Variants in RANBP2 observed in about 807,000 individuals in gnomAD.
RANBP2 encodes E3 SUMO-protein ligase RanBP2.
A neutral mutation model predicts 303.6 loss-of-function variants in RANBP2; 57 were observed. The ratio of observed to expected loss-of-function variants is 0.19; its 90% CI spans 0.15 to 0.23. The LOEUF (loss-of-function observed/expected upper bound fraction) is 0.23. Among genes scored for constraint, RANBP2 ranks in the 10% least tolerant of loss-of-function variants. The probability of loss-of-function intolerance (pLI) is 1.00; values close to 1 mark genes in which losing one functional copy is unlikely to be tolerated. For synonymous variants in RANBP2, 1,167 were observed against 1,301.5 expected (o/e 0.90, Z 2.23); for missense variants, 3,138 against 3,780.8 (o/e 0.83, Z 4.46).
the RANBP2 span, among the ~76,000 whole-genome samples, chr2:109,123,174 G>A: frequency 2.6e-5 from 4 of 152,282 alleles, no homozygotes; most frequent in South Asian, 2.1e-4. Flanking sequence ...GGTATCAGCC[G>A]TGGCTCAGAG....
chr2:108,886,710 C>T, the RANBP2 span, among the ~76,000 whole-genome samples: 1 of 143,440 alleles, frequency 7.0e-6, no homozygotes, highest in Non-Finnish European at 1.5e-5. Context: ...CCATGCCCGG[C>T]CCCCTTTGCC....
the RANBP2 span, among the ~76,000 whole-genome samples, chr2:109,232,527 G>A: frequency 1.1e-4 from 17 of 152,222 alleles, no homozygotes; most frequent in Non-Finnish European, 1.5e-4. Context: ...ACAGCACAGC[G>A]TCTCCCATGC....
the RANBP2 span, among the ~76,000 whole-genome samples, chr2:109,349,307 A>T: frequency 1.3e-5 from 2 of 152,162 alleles, no homozygotes; most frequent in African/African-American, 4.8e-5. Context: ...TCATTCAGGG[A>T]TTCAACTCCT....
chr2:109,255,218 T>G, the RANBP2 span, among the ~76,000 whole-genome samples: 1 of 152,188 alleles, frequency 6.6e-6, no homozygotes, highest in South Asian at 2.1e-4. Context: ...GGCAACCTGT[T>G]GGGGCTTCGG....
At chr2:109,524,013 C>T in the RANBP2 span, among the ~76,000 whole-genome samples, 1 of 152,210 alleles carries the variant, frequency 6.6e-6, no homozygotes, top group African/African-American at 2.4e-5. Context: ...GAGTCCTGGG[C>T]CACCTCCTGC....
At chr2:109,392,708 G>T in the RANBP2 span, among the ~76,000 whole-genome samples, 1 of 151,782 alleles carries the variant, frequency 6.6e-6, no homozygotes, top group Admixed American at 6.6e-5. Flanking sequence ...GTAGAGATGG[G>T]GTTTCACCGT....
the RANBP2 span, among the ~76,000 whole-genome samples, chr2:108,965,374 G>A: frequency 6.6e-6 from 1 of 151,836 alleles, no homozygotes; most frequent in East Asian, 1.9e-4. Flanking sequence ...CCAGCTACTC[G>A]GGAGGCTGAG....
At chr2:109,642,038 T>G in the RANBP2 span, among the ~76,000 whole-genome samples, 1 of 152,060 alleles carries the variant, frequency 6.6e-6, no homozygotes, top group African/African-American at 2.4e-5. Flanking sequence ...ACTCCTGACC[T>G]TGTGATCTGC....
chr2:108,754,083 T>C, intron 15 of RANBP2, 112 bp downstream of exon 15: 1 of 1,605,492 alleles, frequency 6.2e-7, no homozygotes, highest in East Asian at 2.2e-5. Context: ...ATGTTGTTAT[T>C]AATGCACAGA....
chr2:109,566,183 C>T, the RANBP2 span, among the ~76,000 whole-genome samples: 3 of 152,016 alleles, frequency 2.0e-5, no homozygotes, highest in Non-Finnish European at 4.4e-5. Flanking sequence ...TGCAGTGACA[C>T]GATCTCATCT....
chr2:109,157,150 G>A, the RANBP2 span, among the ~76,000 whole-genome samples: 94 of 152,218 alleles, frequency 6.2e-4, no homozygotes, highest in Admixed American at 4.7e-3. Flanking sequence ...TGAATTTGAT[G>A]TCCCAGAGTG....
the RANBP2 span, among the ~76,000 whole-genome samples, chr2:109,142,691 C>G: frequency 3.9e-4 from 60 of 152,142 alleles, no homozygotes; most frequent in African/African-American, 1.4e-3. Context: ...GTCAACTGAG[C>G]GGAGCATGGG....
At chr2:109,614,789 C>A in the RANBP2 span, 1 of 1,474,232 alleles carries the variant, frequency 6.8e-7, no homozygotes, top group Non-Finnish European at 8.9e-7. Context: ...TCCAGGTGAC[C>A]GCCGAGCCCG....
At chr2:109,575,914 AAAC>A in the RANBP2 span, among the ~76,000 whole-genome samples, 7 of 152,224 alleles carry the variant, frequency 4.6e-5, no homozygotes, top group Non-Finnish European at 7.3e-5. Context: ...TGCAAATGGT[AAAC>A]AATGTGAGGA....
At chr2:108,809,490 T>A in the RANBP2 span, among the ~76,000 whole-genome samples, 1 of 148,126 alleles carries the variant, frequency 6.8e-6, no homozygotes, top group Non-Finnish European at 1.5e-5. Flanking sequence ...GTGTGTGTGA[T>A]CTTCAGTTTC....
the RANBP2 span, among the ~76,000 whole-genome samples, chr2:109,535,227 C>T: frequency 6.6e-6 from 1 of 152,144 alleles, no homozygotes; most frequent in East Asian, 1.9e-4. Context: ...TTTTCTTCTC[C>T]CTTTATCCCT....
chr2:109,408,591 G>C, the RANBP2 span, among the ~76,000 whole-genome samples: 1 of 152,254 alleles, frequency 6.6e-6, no homozygotes, highest in African/African-American at 2.4e-5. Context: ...CAGCCCGTGA[G>C]CTTCGCTGCG....
At chr2:109,307,213 A>G in the RANBP2 span, among the ~76,000 whole-genome samples, 1 of 152,200 alleles carries the variant, frequency 6.6e-6, no homozygotes, top group Non-Finnish European at 1.5e-5. Flanking sequence ...TGAAAATTGA[A>G]TATTCATAAT....
At chr2:108,908,198 AC>A in the RANBP2 span, among the ~76,000 whole-genome samples, 2 of 152,136 alleles carry the variant, frequency 1.3e-5, no homozygotes, top group South Asian at 4.2e-4. Context: ...GACGAGACAT[AC>A]ACCGGTGGCT....
Sources: allele counts gnomAD v4.1 joint callset (sites outside exome capture counted in the v4.1 genomes callset), GRCh38; gene constraint gnomAD v4.1.1; transcripts MANE v1.5; gene names NCBI Gene and HGNC (gene_info 2026-07-23, HGNC 2026-07-21).